Variants in SNTG1 observed in about 807,000 individuals in gnomAD.
The protein encoded by SNTG1 is syntrophin gamma 1.
Under a neutral mutation model 74.7 loss-of-function variants are expected in SNTG1, and 39 were observed. That is an observed-to-expected ratio of 0.52 (90% confidence interval 0.40 to 0.68). SNTG1 has a LOEUF of 0.68. Ranked by LOEUF, SNTG1 falls within the 30% of genes least tolerant of loss-of-function variation. SNTG1 has a pLI of 0.00. For synonymous variants in SNTG1, 254 were observed against 217.1 expected (o/e 1.17, Z -1.49); for missense variants, 685 against 609.5 (o/e 1.12, Z -1.30).
At chr8:50,273,759 A>T (rs1230339364) in intron 2 of SNTG1, among the ~76,000 whole-genome samples, 2 of 152,190 alleles carry the variant, frequency 1.3e-5, no homozygotes, top group Non-Finnish European at 2.9e-5. Context: ...CCAAGGTCCT[A>T]AAATGAGTTT....
At chr8:50,248,095 C>A (rs2129822007) in intron 2 of SNTG1, among the ~76,000 whole-genome samples, 1 of 152,230 alleles carries the variant, frequency 6.6e-6, no homozygotes, top group South Asian at 2.1e-4. Flanking sequence ...AGACATCTGT[C>A]ATATTGAATT....
intron 1 of SNTG1, among the ~76,000 whole-genome samples, chr8:50,171,941 T>C (rs1193857231): frequency 6.6e-6 from 1 of 152,188 alleles, no homozygotes; most frequent in Non-Finnish European, 1.5e-5. Context: ...TATGGTATTT[T>C]CAAAACTACA....
At chr8:50,346,837 C>G (rs896919207) in intron 2 of SNTG1, among the ~76,000 whole-genome samples, 3 of 152,238 alleles carry the variant, frequency 2.0e-5, no homozygotes, top group Non-Finnish European at 4.4e-5. Flanking sequence ...GGCCCTAACT[C>G]TCTTCAGTAA....
intron 1 of SNTG1, among the ~76,000 whole-genome samples, chr8:50,167,041 A>G (rs2082639484): frequency 7.1e-6 from 1 of 140,840 alleles, no homozygotes; most frequent in South Asian, 2.3e-4. Context: ...CAAACACTGC[A>G]TATTCTCACT....
At chr8:50,470,545 G>A (rs192249353) in intron 8 of SNTG1, among the ~76,000 whole-genome samples, 66 of 152,216 alleles carry the variant, frequency 4.3e-4, no homozygotes, top group African/African-American at 1.5e-3. Flanking sequence ...TAAAGGTGGC[G>A]CGTCCAGAGT....
chr8:50,761,112 G>A (rs372206307), intron 18 of SNTG1, among the ~76,000 whole-genome samples: 18 of 151,830 alleles, frequency 1.2e-4, no homozygotes, highest in African/African-American at 2.7e-4. Flanking sequence ...ACATTGATGC[G>A]AAAATCCTCA....
At chr8:50,376,338 G>A (rs1422848745) in intron 2 of SNTG1, among the ~76,000 whole-genome samples, 1 of 152,112 alleles carries the variant, frequency 6.6e-6, no homozygotes. Flanking sequence ...ACATGTCCCA[G>A]AATGGGTAAA....
intron 8 of SNTG1, among the ~76,000 whole-genome samples, chr8:50,479,207 T>C (rs536422259): frequency 2.6e-5 from 4 of 152,114 alleles, no homozygotes; most frequent in African/African-American, 4.8e-5. Context: ...TTGGGGATGA[T>C]TTTGTGATAA....
At chr8:50,763,906 CAA>C (rs1197396448) in intron 18 of SNTG1, among the ~76,000 whole-genome samples, 20 of 66,576 alleles carry the variant, frequency 3.0e-4, no homozygotes, top group African/African-American at 6.8e-4. Flanking sequence ...CACACACACA[CAA>C]AAATAACCAA....
chr8:50,379,569 A>C (rs1190440563), intron 2 of SNTG1, among the ~76,000 whole-genome samples: 9 of 152,112 alleles, frequency 5.9e-5, no homozygotes, highest in Admixed American at 5.2e-4. Flanking sequence ...CCTGGCTCCC[A>C]CCACTCCATG....
chr8:50,506,632 T>G (rs1350228983), intron 9 of SNTG1, among the ~76,000 whole-genome samples: 1 of 152,088 alleles, frequency 6.6e-6, no homozygotes, highest in Non-Finnish European at 1.5e-5. Flanking sequence ...TGTTAATGGA[T>G]AGAAACAACT....
intron 2 of SNTG1, among the ~76,000 whole-genome samples, chr8:50,373,565 A>G (rs2092315190): frequency 6.6e-6 from 1 of 152,216 alleles, no homozygotes; most frequent in Non-Finnish European, 1.5e-5. Context: ...CCTCAACCTC[A>G]CAATAGATAA....
At chr8:49,986,441 C>T (rs531683880) in intron 1 of SNTG1, among the ~76,000 whole-genome samples, 1 of 152,246 alleles carries the variant, frequency 6.6e-6, no homozygotes, top group East Asian at 1.9e-4. Context: ...CCAGGCAAAT[C>T]ATTGGGATTG....
chr8:50,080,725 G>T lies in SNTG1; in HGVS notation c.-102-91836G>T, dbSNP rs531873651. Among the ~76,000 whole-genome samples the T allele has an allele frequency of 1.7e-4, 26 of 152,206 alleles. No individual in the cohort carries two copies. The South Asian group carries it at 5.2e-3, about 30-fold the overall frequency. On this transcript the variant is annotated intron_variant, in intron 1 of 18. Coordinates refer to ENST00000642720, the MANE Select transcript of SNTG1 (RefSeq NM_018967.5). Reference sequence around the variant, plus strand: ...GATCTTTGCTGCAACTGATCAATTTGTTATTGTAGTATGAAAGCTGACACA... The same window carrying T: ...GATCTTTGCTGCAACTGATCAATTTTTTATTGTAGTATGAAAGCTGACACA...
intron 2 of SNTG1, among the ~76,000 whole-genome samples, chr8:50,222,215 A>C (rs1190874467): frequency 6.6e-6 from 1 of 152,190 alleles, no homozygotes; most frequent in Non-Finnish European, 1.5e-5. Context: ...GTAATCATTT[A>C]ACTACACCTA....
chr8:49,956,853 C>T (rs1286064062), intron 1 of SNTG1, among the ~76,000 whole-genome samples: 1 of 152,016 alleles, frequency 6.6e-6, no homozygotes, highest in Non-Finnish European at 1.5e-5. Flanking sequence ...AATTCAGTCT[C>T]TCTCTTTTTT....
intron 1 of SNTG1, among the ~76,000 whole-genome samples, chr8:49,983,026 G>T (rs1309012177): frequency 2.6e-5 from 4 of 152,156 alleles, no homozygotes; most frequent in Admixed American, 2.0e-4. Context: ...TTATACCAAT[G>T]AACCTTTATA....
chr8:50,592,965 TAAC>T (rs775334884), intron 13 of SNTG1, among the ~76,000 whole-genome samples: 2 of 152,168 alleles, frequency 1.3e-5, no homozygotes, highest in Non-Finnish European at 2.9e-5. Context: ...CACAGTATGA[TAAC>T]AACGCATTAA....
At chr8:50,631,988 T>C (rs1396248244) in intron 13 of SNTG1, among the ~76,000 whole-genome samples, 1 of 152,206 alleles carries the variant, frequency 6.6e-6, no homozygotes, top group Non-Finnish European at 1.5e-5. Flanking sequence ...TAACTCAGAG[T>C]ATATGACTAT....
Sources: allele counts gnomAD v4.1 joint callset (sites outside exome capture counted in the v4.1 genomes callset), GRCh38; gene constraint gnomAD v4.1.1; transcripts MANE v1.5; gene names NCBI Gene and HGNC (gene_info 2026-07-23, HGNC 2026-07-21).